PAXIP1: variants seen among roughly 807,000 people sequenced by gnomAD.
PAXIP1 encodes PAX-interacting protein 1.
In PAXIP1, 19 loss-of-function variants were observed where a neutral mutation model predicts 140.6. The ratio of observed to expected loss-of-function variants is 0.14; its 90% CI spans 0.09 to 0.20. The LOEUF (loss-of-function observed/expected upper bound fraction) is 0.20. PAXIP1 is among the 10% of genes least tolerant of loss of function. The pLI is 1.00. For synonymous variants in PAXIP1, 442 were observed against 444.6 expected, an observed-to-expected ratio of 0.99 and a Z score of 0.07; for missense variants, 920 against 1,208.6, an observed-to-expected ratio of 0.76 and a Z score of 3.54.
chr7:154,947,989 T>C lies in PAXIP1; in HGVS notation c.2836A>G (p.Ile946Val), dbSNP rs368586362. The change falls in exon 17 of 21, where the codon ATT (isoleucine) becomes GTT (valine). Residue 946 changes from isoleucine to valine, a missense_variant. Physicochemically the swap from Ile to Val is conservative, Grantham distance 29 (BLOSUM62 3). Coordinates refer to ENST00000404141, the MANE Select transcript of PAXIP1 (RefSeq NM_007349.4). ...ACTTCTGCCTCAGCATCTCGGAGAA[T>C]GTAGTTCTGCTCATCTGGAAAACAG... is the stretch of plus-strand genomic sequence containing the variant. The part of the protein sequence containing the change: ...CQKFIDEQNY[I>V]LRDAEAEVLF... 39 of 1,611,954 alleles carry C rather than the reference T, an allele frequency of 2.4e-5. No homozygotes were observed. In the African/African-American group the frequency reaches 4.9e-4, roughly 20 times the overall value.
intron 16 of PAXIP1, chr7:154,952,338 T>A (rs1808309299): frequency 6.6e-6 from 1 of 152,208 alleles, no homozygotes; most frequent in African/African-American, 2.4e-5. Context: ...GTCACCCACA[T>A]GAACGTTCCT....
At chr7:154,998,464 T>C (rs306275) in intron 2 of PAXIP1, among the ~76,000 whole-genome samples, 186 bp downstream of exon 2, 94,998 of 151,866 alleles carry the variant, frequency 0.63, 29,937 homozygotes, top group Admixed American at 0.7. Context: ...GCTGAGATCG[T>C]GCCATTGCAC....
chr7:154,954,554 AGT>A lies in PAXIP1; in HGVS notation c.2653-133_2653-132del. Reference sequence around the variant, plus strand: ...ACTGTAATTCTCAGCCACAGAAAACAGTGTGACAGGTAAAACAAAACCTGTAA... The same window carrying A: ...ACTGTAATTCTCAGCCACAGAAAACAGTGACAGGTAAAACAAAACCTGTAA... On this transcript the variant is annotated intron_variant, in intron 15 of 20. Transcript: ENST00000404141. The surrounding 1 kb of genome is among the most constrained non-coding windows in gnomAD (Gnocchi z 5.1). The A allele has an allele frequency of 1.9e-6, 1 of 523,190 alleles. No homozygotes were observed. Among genetic ancestry groups the A allele is most frequent in the Non-Finnish European group, 3.0e-6 (1 of 328,218 alleles). The allele number at this position is 523,190 out of a possible 1,614,324, so 32.4% of individuals were successfully genotyped here.
chr7:155,002,785 CGGGGA>C lies in PAXIP1; in HGVS notation c.81+59_81+63del, dbSNP rs1472869915. 3.2e-6 allele frequency: 3 copies of C among 929,472 alleles called. No individual in the cohort carries two copies. The African/African-American group carries it at 5.4e-5, about 17-fold the overall frequency. 57.6% of individuals were successfully genotyped at this position (929,472 alleles called of 1,614,324 possible). A position where few individuals can be genotyped will look rare whatever the true frequency, so the allele number is the denominator to read the frequency against. On this transcript the variant is annotated intron_variant, in intron 1 of 20. Coordinates refer to ENST00000404141, the MANE Select transcript of PAXIP1 (RefSeq NM_007349.4). ...CCCGCGGCAGGAGCGGGGACGGGGA[CGGGGA>C]CGGGGACGGACGGGGACGCGGACGG...
chr7:154,977,882 T>TTAACTTTTTAA lies in PAXIP1; in HGVS notation c.439-1552_439-1551insTTAAAAAGTTA, dbSNP rs1348507461. ...TGAAAACATGTATACTTTTATGCTT[T>TTAACTTTTTAA]TGTTTTTAACTTTTTAATGTACATT... On this transcript the variant is annotated intron_variant, in intron 5 of 20. Transcript: ENST00000404141. Among the ~76,000 whole-genome samples, 401 of 132,046 alleles carry TTAACTTTTTAA rather than the reference T, an allele frequency of 3.0e-3. 2 individuals carry two copies. The highest frequency in any genetic ancestry group is 0.015 in the African/African-American group (387 of 25,830). 86.6% of individuals were successfully genotyped at this position (132,046 alleles called of 152,430 possible). A position where few individuals can be genotyped will look rare whatever the true frequency, so the allele number is the denominator to read the frequency against.
chr7:154,988,817 A>C (rs2150779447), intron 4 of PAXIP1, among the ~76,000 whole-genome samples: 1 of 152,364 alleles, frequency 6.6e-6, no homozygotes, highest in African/African-American at 2.4e-5. Flanking sequence ...AAATAAAATT[A>C]AATGAAAAAT....
intron 5 of PAXIP1, among the ~76,000 whole-genome samples, chr7:154,980,948 T>C (rs1171500631): frequency 6.6e-6 from 1 of 151,942 alleles, no homozygotes; most frequent in East Asian, 1.9e-4. Context: ...GGCCAACATT[T>C]GGTTTCTACT....
Position 154,973,631 on chromosome 7 carries a change from A to C in PAXIP1, c.1074+2065T>G, listed in dbSNP as rs1268528155. On this transcript the variant is annotated intron_variant, in intron 6 of 20. Transcript: ENST00000404141. The surrounding 1 kb of genome is among the most constrained non-coding windows in gnomAD (Gnocchi z 4.0). Reference sequence around the variant, plus strand: ...CGTGTACTACTAATACTCGCTGCTTAGGTGGAGGGGAGGGGAGACAAAGAT... The same window carrying C: ...CGTGTACTACTAATACTCGCTGCTTCGGTGGAGGGGAGGGGAGACAAAGAT... Among the ~76,000 whole-genome samples, 2 of 152,178 alleles carry C rather than the reference A, an allele frequency of 1.3e-5. No homozygotes were observed.
intron 5 of PAXIP1, among the ~76,000 whole-genome samples, chr7:154,976,793 T>C (rs1242532228): frequency 1.3e-5 from 2 of 152,210 alleles, no homozygotes; most frequent in East Asian, 3.8e-4. Context: ...TTGGCTGACT[T>C]GCATAGGACA....
chr7:154,957,330 A>G (rs1303008060), intron 13 of PAXIP1, 36 bp from the exon 14 acceptor site: 3 of 1,167,348 alleles, frequency 2.6e-6, no homozygotes, highest in Admixed American at 1.9e-5. Flanking sequence ...AATTCAATCA[A>G]TCTACTAAGT....
intron 4 of PAXIP1, chr7:154,985,934 A>C: frequency 9.1e-7 from 1 of 1,096,910 alleles, no homozygotes; most frequent in Non-Finnish European, 1.2e-6. Flanking sequence ...TACAGAATGG[A>C]AAGGACTTTT....
At position 154,967,832 on chromosome 7, in the gene PAXIP1, A is replaced by G; in HGVS notation, c.1877T>C (p.Leu626Pro). ...YPEQMSDKQLLATWKRIIQAH... is the reference protein window; with the variant it reads ...YPEQMSDKQLPATWKRIIQAH... ...CAATCTCACCCTTTTCCAGGTGGCC[A>G]GCAGTTGCTTATCAGACATCTGCTC... The change falls in exon 8 of 21, where the codon CTG becomes CCG. Residue 626 changes from leucine to proline, a missense_variant. Coordinates refer to ENST00000404141, the MANE Select transcript of PAXIP1 (RefSeq NM_007349.4). The G allele has an allele frequency of 6.2e-7, 1 of 1,613,078 alleles. No homozygotes were observed. Among genetic ancestry groups the G allele is most frequent in the Non-Finnish European group, 8.5e-7 (1 of 1,179,034 alleles).
In PAXIP1 at chr7:154,961,214, G is replaced by A. The variant is rs991328393; in HGVS notation, c.2250-137C>T. The A allele has an allele frequency of 2.7e-5, 19 of 699,110 alleles. No homozygotes were observed. In the African/African-American group the frequency reaches 3.4e-4, roughly 13 times the overall value. 43.3% of individuals were successfully genotyped at this position (699,110 alleles called of 1,614,324 possible). ...GGGAGGCATATCCTAGCAAAGTTGA[G>A]GGTGACCCTGAATGGTAATGAAATA... On this transcript the variant is annotated intron_variant, in intron 11 of 20. Transcript: ENST00000404141.
intron 2 of PAXIP1, among the ~76,000 whole-genome samples, chr7:154,996,097 A>G (rs1434932245): frequency 6.6e-6 from 1 of 152,232 alleles, no homozygotes; most frequent in African/African-American, 2.4e-5. Flanking sequence ...ATATGCCTCT[A>G]GGGAACCAGG....
chr7:154,953,216 C>A (rs1055165116), intron 16 of PAXIP1, among the ~76,000 whole-genome samples: 1 of 152,186 alleles, frequency 6.6e-6, no homozygotes, highest in Non-Finnish European at 1.5e-5. Context: ...ACATGACTTG[C>A]TCTTCCCTTT....
At chr7:154,984,725 G>C (rs1483584460) in intron 4 of PAXIP1, among the ~76,000 whole-genome samples, 4 of 152,168 alleles carry the variant, frequency 2.6e-5, no homozygotes, top group African/African-American at 7.2e-5. Flanking sequence ...TTGGAGAGTT[G>C]AGATTTAATT....
chr7:154,957,004 T>C, intron 14 of PAXIP1: 1 of 390,400 alleles, frequency 2.6e-6, no homozygotes, highest in Non-Finnish European at 4.5e-6. Flanking sequence ...TCTTATAATA[T>C]GCCACTTAAA....
chr7:154,979,883 T>G (rs1356232272), intron 5 of PAXIP1, among the ~76,000 whole-genome samples: 2 of 152,140 alleles, frequency 1.3e-5, no homozygotes, highest in African/African-American at 4.8e-5. Context: ...ACTATTGCCT[T>G]AAAGACAACA....
At chr7:154,970,905 A>G (rs1376338456) in intron 6 of PAXIP1, among the ~76,000 whole-genome samples, 1 of 152,216 alleles carries the variant, frequency 6.6e-6, no homozygotes, top group African/African-American at 2.4e-5. Flanking sequence ...TAAACAGCCC[A>G]TGGAACTCTG....
Sources: allele counts gnomAD v4.1 joint callset (sites outside exome capture counted in the v4.1 genomes callset), GRCh38; gene constraint gnomAD v4.1.1; non-coding constraint Gnocchi (gnomAD v3.1); transcripts MANE v1.5; gene names NCBI Gene and HGNC (gene_info 2026-07-23, HGNC 2026-07-21).